The following PIP5K1C variants were observed in gnomAD, a reference collection of about 807,000 sequenced individuals.
PIP5K1C encodes the protein phosphatidylinositol 4-phosphate 5-kinase type-1 gamma.
A neutral mutation model predicts 80.1 loss-of-function variants in PIP5K1C; 45 were observed. The ratio of observed to expected loss-of-function variants is 0.56; its 90% CI spans 0.44 to 0.72. PIP5K1C has a LOEUF of 0.72. Ranked by LOEUF, PIP5K1C falls within the 30% of genes least tolerant of loss-of-function variation. The probability of loss-of-function intolerance (pLI) is 0.00; values close to 1 mark genes in which losing one functional copy is unlikely to be tolerated. For synonymous variants in PIP5K1C, 498 were observed against 420.1 expected, an observed-to-expected ratio of 1.19 and a Z score of -2.27; for missense variants, 753 against 954.6, an observed-to-expected ratio of 0.79 and a Z score of 2.78.
In PIP5K1C at chr19:3,673,386, G is replaced by A. The variant is rs963271719; in HGVS notation, c.95-6033C>T. 1.8e-4 allele frequency among the ~76,000 whole-genome samples: 28 copies of A among 152,292 alleles called. 1 individual carries two copies. The highest frequency in any genetic ancestry group is 8.3e-4 in the South Asian group (4 of 4,828). ...ACACGGCACCACCTGATACATGGCT[G>A]TTGTCATCCCCACAACAGGGGTCCC... On this transcript the variant is annotated intron_variant, in intron 1 of 17. Coordinates refer to ENST00000335312, the MANE Select transcript of PIP5K1C (RefSeq NM_012398.3).
At chr19:3,644,751 C>T (rs1229758683) in intron 11 of PIP5K1C, among the ~76,000 whole-genome samples, 2 of 152,174 alleles carry the variant, frequency 1.3e-5, no homozygotes, top group African/African-American at 4.8e-5. Flanking sequence ...CCCTGGGGGC[C>T]GACCTTAGCG....
chr19:3,649,989 C>T (rs536737627), intron 8 of PIP5K1C: 3 of 189,860 alleles, frequency 1.6e-5, no homozygotes, highest in African/African-American at 4.8e-5. Flanking sequence ...CAGGCTGGTA[C>T]GCTCACCTGC....
At chr19:3,657,483 G>A (rs949946504) in intron 5 of PIP5K1C, among the ~76,000 whole-genome samples, 3 of 152,170 alleles carry the variant, frequency 2.0e-5, no homozygotes, top group East Asian at 3.8e-4. Context: ...CCCCATCAGC[G>A]GAGCAAGCCA....
rs565046389 is a variant in PIP5K1C, at chr19:3,633,046, G to T, written c.*121C>A. 6.3e-5 allele frequency: 42 copies of T among 666,992 alleles called. 1 individual carries two copies. The Middle Eastern group carries it at 2.3e-3, about 37-fold the overall frequency. 41.3% of individuals were successfully genotyped at this position (666,992 alleles called of 1,614,324 possible). A position where few individuals can be genotyped will look rare whatever the true frequency, so the allele number is the denominator to read the frequency against. ...GGCATCCGTGCAGGGGGAGGACGAGGTCCGGTGGGGCGGCGAGGCGGGCAT... is the reference window on the plus strand; with the variant it reads ...GGCATCCGTGCAGGGGGAGGACGAGTTCCGGTGGGGCGGCGAGGCGGGCAT... On this transcript the variant is annotated 3_prime_UTR_variant, in exon 18 of 18. Coordinates refer to ENST00000335312, the MANE Select transcript of PIP5K1C (RefSeq NM_012398.3).
rs890270930 is a variant in PIP5K1C at position 3,637,791 on chromosome 19, T to G, written c.1920+1093A>C. 1 of 1,534,136 alleles carries G rather than the reference T, an allele frequency of 6.5e-7. No individual in the cohort carries two copies. Among genetic ancestry groups the G allele is most frequent in the Non-Finnish European group, 8.7e-7 (1 of 1,146,564 alleles). On this transcript the variant is annotated intron_variant, in intron 16 of 17. Transcript: ENST00000335312. The surrounding 1 kb of genome is among the most constrained non-coding windows in gnomAD (Gnocchi z 7.0). ...GGGGCAGGGGCAGGACCGAGGACCC[T>G]TCTCCCTTCTCTGCTGCCCACCTGG...
chr19:3,675,377 C>T (rs984858949), intron 1 of PIP5K1C, among the ~76,000 whole-genome samples: 13 of 152,128 alleles, frequency 8.5e-5, no homozygotes, highest in African/African-American at 2.9e-4. Context: ...TTGCTTGTCT[C>T]TAAAGGAGGT....
chr19:3,637,983 T>G lies in PIP5K1C; in HGVS notation c.1920+901A>C, dbSNP rs2033776914. The G allele has an allele frequency of 6.5e-7, 1 of 1,528,538 alleles. No homozygotes were observed. The highest frequency in any genetic ancestry group is 8.7e-7 in the Non-Finnish European group (1 of 1,143,524). 94.7% of individuals were successfully genotyped at this position (1,528,538 alleles called of 1,614,324 possible). ...CCTCCCTTCTCCAGGGCCAGGTGGG[T>G]GCATGGGGACCCCAGAGGCGCCACT... On this transcript the variant is annotated intron_variant, in intron 16 of 17. Transcript: ENST00000335312. This position sits in a 1 kb window ranked among gnomAD's most constrained non-coding sequence, Gnocchi z 7.0.
intron 1 of PIP5K1C, among the ~76,000 whole-genome samples, chr19:3,676,109 G>A (rs958591657): frequency 4.6e-5 from 7 of 152,342 alleles, no homozygotes; most frequent in Admixed American, 1.3e-4. Context: ...GAGGTGGAAG[G>A]ATTCTGACAC....
At position 3,632,208 on chromosome 19, in the gene PIP5K1C, G is replaced by A. The variant is rs909119001; in HGVS notation, c.*959C>T. 9 of 152,324 alleles carry A rather than the reference G, an allele frequency of 5.9e-5. No homozygotes were observed. Among genetic ancestry groups the A allele is most frequent in the African/African-American group, 2.2e-4 (9 of 41,478 alleles). 9.4% of individuals were successfully genotyped at this position (152,324 alleles called of 1,614,324 possible). Reference sequence around the variant, plus strand: ...TCCTGAAGGAGACTCCTGTGGAGCCGGGCCTGGCCCCCTAGGCCATGTCTC... The same window carrying A: ...TCCTGAAGGAGACTCCTGTGGAGCCAGGCCTGGCCCCCTAGGCCATGTCTC... On this transcript the variant is annotated 3_prime_UTR_variant, in exon 18 of 18. Transcript: ENST00000335312.
Position 3,653,326 on chromosome 19 carries a change from G to A in PIP5K1C, c.885C>T (p.Phe295=). The change falls in exon 7 of 18, where the codon TTC becomes TTT. Residue 295 remains phenylalanine, a synonymous_variant. Transcript: ENST00000335312. ...GCTGCAGCGTCTTGACCAGGGCGCT[G>A]AAGGTGTCGGCGTCCAGCAGGAGCC... ...PEGLLLDADT[F]SALVKTLQRD... 6.2e-7 allele frequency: 1 copy of A among 1,610,730 alleles called. No homozygotes were observed. Among genetic ancestry groups the A allele is most frequent in the Non-Finnish European group, 8.5e-7 (1 of 1,179,994 alleles).
Position 3,638,831 on chromosome 19 carries a change from TGAGA to T in PIP5K1C, c.1920+49_1920+52del. On this transcript the variant is annotated intron_variant, in intron 16 of 17. Transcript: ENST00000335312. ...CGGTGTGCACACGGTGGAGCGTGTG[TGAGA>T]GAGAGTCCGGTTGACGAGCCGGCGG... 3.1e-6 allele frequency: 5 copies of T among 1,609,364 alleles called. No individual in the cohort carries two copies. The South Asian group carries it at 3.3e-5, about 11-fold the overall frequency.
chr19:3,651,570 C>T (rs1022841276), intron 8 of PIP5K1C, among the ~76,000 whole-genome samples: 4 of 152,222 alleles, frequency 2.6e-5, no homozygotes, highest in Non-Finnish European at 5.9e-5. Flanking sequence ...CCAGTGGCCT[C>T]GGCCCAGTCA....
At chr19:3,668,595 C>T (rs1460625852) in intron 1 of PIP5K1C, among the ~76,000 whole-genome samples, 2 of 152,214 alleles carry the variant, frequency 1.3e-5, no homozygotes, top group Non-Finnish European at 1.5e-5. Context: ...TGGGGCTGGA[C>T]TCCTGGCCTC....
At chr19:3,654,560 A>G (rs1459091059) in intron 6 of PIP5K1C, among the ~76,000 whole-genome samples, 1 of 152,244 alleles carries the variant, frequency 6.6e-6, no homozygotes, top group Admixed American at 6.5e-5. Context: ...TCATGCCTGT[A>G]ATCCTAGCAC....
Position 3,637,858 on chromosome 19 carries a change from AG to A in PIP5K1C, c.1920+1025del. On this transcript the variant is annotated intron_variant, in intron 16 of 17. Coordinates refer to ENST00000335312, the MANE Select transcript of PIP5K1C (RefSeq NM_012398.3). The surrounding 1 kb of genome is among the most constrained non-coding windows in gnomAD (Gnocchi z 7.0). ...AGACACACAGCACGACATGGCCCCC[AG>A]GCCCCCCGTACCATCCGGAGACCAG... The A allele has an allele frequency of 3.3e-6, 5 of 1,535,296 alleles. No homozygotes were observed. The highest frequency in any genetic ancestry group is 4.4e-6 in the Non-Finnish European group (5 of 1,146,646).
chr19:3,698,887 G>A (rs1242705148), intron 1 of PIP5K1C, among the ~76,000 whole-genome samples: 3 of 151,508 alleles, frequency 2.0e-5, no homozygotes, highest in African/African-American at 7.3e-5. Context: ...TGGATTTCAG[G>A]GATGGGCAGA....
At chr19:3,667,635 G>T (rs2035057316) in intron 1 of PIP5K1C, among the ~76,000 whole-genome samples, 2 of 152,374 alleles carry the variant, frequency 1.3e-5, no homozygotes, top group East Asian at 1.9e-4. Context: ...GGCAGCTGGT[G>T]ACGCCTAGGC....
At chr19:3,640,255 T>C (rs1309627489) in intron 15 of PIP5K1C, among the ~76,000 whole-genome samples, 1 of 152,238 alleles carries the variant, frequency 6.6e-6, no homozygotes, top group Non-Finnish European at 1.5e-5. Flanking sequence ...GGCTCACGCC[T>C]GTCATCCTAG....
intron 5 of PIP5K1C, among the ~76,000 whole-genome samples, chr19:3,656,952 G>A (rs2145465735): frequency 6.6e-6 from 1 of 152,362 alleles, no homozygotes; most frequent in East Asian, 1.9e-4. Flanking sequence ...GGAACTCAGG[G>A]AAGGCTCCAC....
Sources: gnomAD v4.1 joint callset for allele counts (sites outside exome capture counted in the v4.1 genomes callset) on GRCh38, gnomAD v4.1.1 for gene constraint, Gnocchi (gnomAD v3.1) non-coding constraint, MANE v1.5 for transcripts, NCBI Gene and HGNC (gene_info 2026-07-23, HGNC 2026-07-21) for gene names.